The following TIAM1 variants were observed in gnomAD, a reference collection of about 807,000 sequenced individuals.
The protein encoded by TIAM1 is TIAM Rac1 associated GEF 1, also known as rho guanine nucleotide exchange factor TIAM1.
TIAM1 carries 65 observed loss-of-function variants against 163.5 expected under a neutral mutation model. The observed-to-expected ratio is 0.40, with a 90% confidence interval of 0.33 to 0.49. The LOEUF is 0.49. TIAM1 is among the 20% of genes least tolerant of loss of function. The pLI, the probability that TIAM1 is intolerant of heterozygous loss-of-function variation, is 0.77. For synonymous variants in TIAM1, 833 were observed against 810.1 expected (o/e 1.03, Z -0.48); for missense variants, 1,789 against 2,044.7 (o/e 0.87, Z 2.41).
rs374444422 is a variant in TIAM1, at chr21:31,336,630, A to G, written c.-189+2613T>C. On this transcript the variant is annotated intron_variant, in intron 2 of 27. Coordinates refer to ENST00000541036, the MANE Select transcript of TIAM1 (RefSeq NM_001353694.2). ...AAAAAGAATCCCTTAACACTGTGGC[A>G]CATGAGGCACAGGGCACAGTCACAG... Among the ~76,000 whole-genome samples, 17 of 152,180 alleles carry G rather than the reference A, an allele frequency of 1.1e-4. No homozygotes were observed. The South Asian group carries it at 3.5e-3, about 32-fold the overall frequency.
At chr21:31,467,164 T>C (rs6517037) in intron 1 of TIAM1, among the ~76,000 whole-genome samples, 128,262 of 152,180 alleles carry the variant, frequency 0.84, 54,650 homozygotes, top group African/African-American at 0.95. Context: ...CCCATCTCCA[T>C]AAAAACTTCT....
intron 17 of TIAM1, among the ~76,000 whole-genome samples, chr21:31,153,741 G>A (rs1027467574): frequency 2.8e-4 from 43 of 151,882 alleles, no homozygotes; most frequent in African/African-American, 7.5e-4. Context: ...ATGAATTGCC[G>A]TGAAAATCAC....
intron 15 of TIAM1, among the ~76,000 whole-genome samples, chr21:31,169,653 G>GGAAA (rs1256219247): frequency 1.3e-5 from 2 of 151,906 alleles, no homozygotes; most frequent in Non-Finnish European, 2.9e-5. Flanking sequence ...TTTCAGGTGG[G>GGAAA]GAAAGAAAGA....
At chr21:31,136,277 T>C (rs891425054) in intron 22 of TIAM1, among the ~76,000 whole-genome samples, 2 of 152,236 alleles carry the variant, frequency 1.3e-5, no homozygotes, top group East Asian at 3.8e-4. Context: ...AATTTTTACT[T>C]GTCAATTTCA....
At chr21:31,450,631 A>T (rs2044796084) in intron 2 of TIAM1, among the ~76,000 whole-genome samples, 1 of 152,148 alleles carries the variant, frequency 6.6e-6, no homozygotes, top group Non-Finnish European at 1.5e-5. Context: ...CTGCTGATAA[A>T]GACATACCCG....
chr21:31,130,461 C>A, intron 24 of TIAM1, 146 bp from the exon 25 acceptor site: 1 of 645,754 alleles, frequency 1.5e-6, no homozygotes, highest in Non-Finnish European at 2.7e-6. Context: ...TCCTGTCCAT[C>A]CAGCAGGAAG....
chr21:31,279,062 C>T (rs1200224936), intron 2 of TIAM1, among the ~76,000 whole-genome samples: 3 of 151,902 alleles, frequency 2.0e-5, no homozygotes, highest in African/African-American at 4.8e-5. Flanking sequence ...AAAAAAATTA[C>T]GTATTCAGAT....
At chr21:31,364,378 TTGTGATC>T (rs1056601953) in intron 2 of TIAM1, among the ~76,000 whole-genome samples, 142 of 152,202 alleles carry the variant, frequency 9.3e-4, no homozygotes, top group African/African-American at 3.3e-3. Flanking sequence ...CAAACTAAGA[TTGTGATC>T]AAATGAGAAA....
intron 2 of TIAM1, among the ~76,000 whole-genome samples, chr21:31,446,439 C>T (rs577738): frequency 0.82 from 124,828 of 152,148 alleles, 51,561 homozygotes; most frequent in East Asian, 0.92. Flanking sequence ...CTAAGATTCA[C>T]GGGTGATCAC....
chr21:31,202,079 G>A (rs1358914679), intron 12 of TIAM1, among the ~76,000 whole-genome samples: 2 of 151,824 alleles, frequency 1.3e-5, no homozygotes, highest in African/African-American at 4.8e-5. Context: ...TCAAATATAT[G>A]TAAATGTCCC....
chr21:31,152,702 T>C lies in TIAM1; in HGVS notation c.3300A>G (p.Lys1100=). ...EMVEFQVEFL[K]TLEDGVRLVP... is the part of the protein sequence containing the mutation. ...CCAGTCTCACTCCATCTTCTAGAGT[T>C]TTAAGGAATTCTACTTGAAACTCTA... Residue 1100 remains lysine (K), a synonymous_variant, in exon 19 of 28, where the codon AAA becomes AAG. Transcript: ENST00000541036. 1 of 1,614,200 alleles carries C rather than the reference T, an allele frequency of 6.2e-7. No individual in the cohort carries two copies. The highest frequency in any genetic ancestry group is 8.5e-7 in the Non-Finnish European group (1 of 1,180,030).
intron 16 of TIAM1, among the ~76,000 whole-genome samples, chr21:31,164,096 G>A (rs2833318): frequency 0.15 from 22,538 of 152,152 alleles, 4,517 homozygotes; most frequent in African/African-American, 0.45. Context: ...AGCATGATAA[G>A]TTATGGGCAA....
chr21:31,418,461 G>A (rs1219772473), intron 2 of TIAM1, among the ~76,000 whole-genome samples: 1 of 151,856 alleles, frequency 6.6e-6, no homozygotes, highest in Non-Finnish European at 1.5e-5. Context: ...CTGTTTTCAG[G>A]CAGGGACTGA....
chr21:31,252,151 A>C lies in TIAM1; in HGVS notation c.1002T>G (p.Ser334Arg), dbSNP rs201325790. The C allele has an allele frequency of 1.1e-5, 17 of 1,610,134 alleles. No individual in the cohort carries two copies. The highest frequency in any genetic ancestry group is 1.4e-5 in the Non-Finnish European group (16 of 1,179,976). Residue 334 changes from serine to arginine, a missense_variant, in exon 5 of 28, where the codon AGT becomes AGG. By Grantham distance (110) the Ser-to-Arg change is moderately radical. Around this residue, in one of 5 missense-constraint regions of TIAM1, gnomAD observed 555 missense variants for 564.9 expected, o/e 0.98. Coordinates refer to ENST00000541036, the MANE Select transcript of TIAM1 (RefSeq NM_001353694.2). ...TGTCGGTAGTGGCCCCTTCAATCCC[A>C]CTGTCTGCAAACTCACTGCCCTCGC... ...NAGEGSEFAD[S>R]GIEGATTDTD...
intron 2 of TIAM1, among the ~76,000 whole-genome samples, chr21:31,299,216 G>T (rs1470255547): frequency 6.6e-6 from 1 of 152,130 alleles, no homozygotes; most frequent in Non-Finnish European, 1.5e-5. Context: ...TTTAATTATT[G>T]AAAAGACTTC....
At chr21:31,319,491 T>C (rs1175363194) in intron 2 of TIAM1, among the ~76,000 whole-genome samples, 3 of 152,082 alleles carry the variant, frequency 2.0e-5, no homozygotes, top group Non-Finnish European at 4.4e-5. Flanking sequence ...AAAATTACTA[T>C]AACCTGGCCG....
chr21:31,255,813 C>G (rs1043091583), intron 4 of TIAM1, among the ~76,000 whole-genome samples: 1 of 152,154 alleles, frequency 6.6e-6, no homozygotes. Context: ...ATAAACTCTC[C>G]ATGTTAGAAC....
Position 31,182,411 on chromosome 21 carries a change from A to G in TIAM1, c.2887+10T>C. On this transcript the variant is annotated intron_variant, in intron 15 of 27. Transcript: ENST00000541036. Reference sequence around the variant, plus strand: ...TTCAGACTCGCCCCCAGCACCCTGCACAGCCATACCTGGGTTGCTGGTGAG... The same window carrying G: ...TTCAGACTCGCCCCCAGCACCCTGCGCAGCCATACCTGGGTTGCTGGTGAG... The G allele has an allele frequency of 6.5e-7, 1 of 1,540,054 alleles. No individual in the cohort carries two copies. Among genetic ancestry groups the G allele is most frequent in the Non-Finnish European group, 8.7e-7 (1 of 1,146,484 alleles).
chr21:31,508,974 T>A (rs1313562565), intron 1 of TIAM1, among the ~76,000 whole-genome samples: 1 of 152,080 alleles, frequency 6.6e-6, no homozygotes, highest in Non-Finnish European at 1.5e-5. Context: ...CCATGCCTTG[T>A]CATGAACAAA....
Sources: allele counts gnomAD v4.1 joint callset (sites outside exome capture counted in the v4.1 genomes callset), GRCh38; gene constraint gnomAD v4.1.1; regional missense constraint gnomAD v4.1.1; transcripts MANE v1.5; gene names NCBI Gene and HGNC (gene_info 2026-07-23, HGNC 2026-07-21).